Variants in BHLHE40 observed in about 807,000 individuals in gnomAD.
The protein encoded by BHLHE40 is class E basic helix-loop-helix protein 40.
A neutral mutation model predicts 35.7 loss-of-function variants in BHLHE40; 3 were observed. The observed-to-expected ratio is 0.08, with a 90% CI of 0.04 to 0.22. BHLHE40 has a LOEUF of 0.22. Ranked by LOEUF, BHLHE40 falls within the 10% of genes least tolerant of loss-of-function variation. The pLI, the probability that BHLHE40 is intolerant of heterozygous loss-of-function variation, is 1.00. For synonymous variants in BHLHE40, 236 were observed against 213.0 expected, an observed-to-expected ratio of 1.11 and a Z score of -0.94; for missense variants, 486 against 524.0, an observed-to-expected ratio of 0.93 and a Z score of 0.71.
intron 4 of BHLHE40, 161 bp downstream of exon 4, chr3:4,981,676 A>T: frequency 1.1e-6 from 1 of 926,576 alleles, no homozygotes; most frequent in Non-Finnish European, 1.6e-6. Flanking sequence ...CAGACTTTTC[A>T]TTTGAAATGC....
At position 4,983,683 on chromosome 3, in the gene BHLHE40, C is replaced by T; in HGVS notation, c.1230C>T (p.Thr410=). 2 of 1,606,090 alleles carry T rather than the reference C, an allele frequency of 1.2e-6. No individual in the cohort carries two copies. Among genetic ancestry groups the T allele is most frequent in the South Asian group, 1.1e-5 (1 of 90,672 alleles). The change falls in exon 5 of 5, where the codon ACC becomes ACT. Residue 410 remains threonine, a synonymous_variant. Coordinates refer to ENST00000256495, the MANE Select transcript of BHLHE40 (RefSeq NM_003670.3). This position sits in a 1 kb window ranked among gnomAD's most constrained non-coding sequence, Gnocchi z 5.0. The part of the protein sequence containing the change: ...LKPIPPLNLE[T]KD ...CAATCCCCCCTTTAAACTTAGAAACCAAAGACTAAACTCTCTAGGGGATCC... is the reference window on the plus strand; with the variant it reads ...CAATCCCCCCTTTAAACTTAGAAACTAAAGACTAAACTCTCTAGGGGATCC...
At chr3:4,979,869 G>T in intron 1 of BHLHE40, 71 bp downstream of exon 1, 1 of 1,605,444 alleles carries the variant, frequency 6.2e-7, no homozygotes, top group Non-Finnish European at 8.5e-7. Context: ...TCAACTTGGA[G>T]CAGCTCCGGG....
rs999465173 is a variant in BHLHE40, at chr3:4,979,749, C to A, written c.31C>A (p.Pro11Thr). 2.5e-6 allele frequency: 4 copies of A among 1,578,486 alleles called. No homozygotes were observed. Among genetic ancestry groups the A allele is most frequent in the African/African-American group, 1.4e-5 (1 of 73,926 alleles). Residue 11 changes from proline to threonine, a missense_variant, in exon 1 of 5, where the codon CCC becomes ACC. By Grantham distance (38) the Pro-to-Thr change is conservative. This residue lies in a region of BHLHE40 where 87 missense variants were observed against 66.7 expected (regional missense o/e 1.30). Coordinates refer to ENST00000256495, the MANE Select transcript of BHLHE40 (RefSeq NM_003670.3). MERIPSAQPP[P>T]ACLPKAPGLE... Reference sequence around the variant, plus strand: ...GCGGATCCCCAGCGCGCAACCACCCCCCGCCTGCCTGCCCAAAGCACCGGG... The same window carrying A: ...GCGGATCCCCAGCGCGCAACCACCCACCGCCTGCCTGCCCAAAGCACCGGG...
chr3:4,980,416 A>G lies in BHLHE40; in HGVS notation c.258+8A>G, dbSNP rs1333862503. The G allele has an allele frequency of 6.2e-7, 1 of 1,611,106 alleles. No homozygotes were observed. Among genetic ancestry groups the G allele is most frequent in the Non-Finnish European group, 8.5e-7 (1 of 1,177,468 alleles). ...GAACATCTCAAACTTACAGTAAGTGAGAAGCTGGCCCCTTTCCAACCCAGT... is the reference window on the plus strand; with the variant it reads ...GAACATCTCAAACTTACAGTAAGTGGGAAGCTGGCCCCTTTCCAACCCAGT... On this transcript the variant is annotated splice_region_variant and intron_variant, in intron 3 of 4. Transcript: ENST00000256495.
In BHLHE40 at chr3:4,979,973, C is replaced by G; in HGVS notation, c.92C>G (p.Ala31Gly). ...EHGDLPGMYP[A>G]HMYQVYKSRR... The stretch of plus-strand genomic sequence containing the variant: ...CTCTCTTCCTGCAGGATGTACCCTG[C>G]CCACATGTACCAAGTGTACAAGTCA... Residue 31 changes from alanine (A) to glycine (G), a missense_variant, in exon 2 of 5, where the codon GCC (alanine) becomes GGC (glycine). Ala to Gly is a moderately conservative substitution (Grantham distance 60). Coordinates refer to ENST00000256495, the MANE Select transcript of BHLHE40 (RefSeq NM_003670.3). 1 of 1,614,152 alleles carries G rather than the reference C, an allele frequency of 6.2e-7. No individual in the cohort carries two copies. The highest frequency in any genetic ancestry group is 8.5e-7 in the Non-Finnish European group (1 of 1,179,998).
rs1553562125 is a variant in BHLHE40 at position 4,983,850 on chromosome 3, G to GTGTGTGTGTGTGTA, written c.*163_*164insGTGTGTGTATGTGT. On this transcript the variant is annotated 3_prime_UTR_variant, in exon 5 of 5. Transcript: ENST00000256495. This position sits in a 1 kb window ranked among gnomAD's most constrained non-coding sequence, Gnocchi z 5.0. The stretch of plus-strand genomic sequence containing the variant: ...TCAGGGTGTGTGTGTGTGTGTGTGT[G>GTGTGTGTGTGTGTA]TGTGTATGTGCGTGTGCGTGCACAT... 43 of 957,718 alleles carry GTGTGTGTGTGTGTA rather than the reference G, an allele frequency of 4.5e-5. No individual in the cohort carries two copies. Among genetic ancestry groups the GTGTGTGTGTGTGTA allele is most frequent in the African/African-American group, 4.3e-4 (26 of 60,048 alleles). 59.3% of individuals were successfully genotyped at this position (957,718 alleles called of 1,614,324 possible). A position where few individuals can be genotyped will look rare whatever the true frequency, so the allele number is the denominator to read the frequency against.
At position 4,979,783 on chromosome 3, in the gene BHLHE40, A is replaced by G. The variant is rs1460225351; in HGVS notation, c.65A>G (p.His22Arg). ...CTGCCCAAAGCACCGGGACTGGAGCACGGAGACCTACCAGGGTAAGTTGGC... is the reference window on the plus strand; with the variant it reads ...CTGCCCAAAGCACCGGGACTGGAGCGCGGAGACCTACCAGGGTAAGTTGGC... ...ACLPKAPGLE[H>R]GDLPGMYPAH... is the part of the protein sequence containing the mutation. The change falls in exon 1 of 5, where the codon CAC becomes CGC. Residue 22 changes from histidine to arginine, a missense_variant. Coordinates refer to ENST00000256495, the MANE Select transcript of BHLHE40 (RefSeq NM_003670.3). The G allele has an allele frequency of 6.3e-7, 1 of 1,589,592 alleles. No individual in the cohort carries two copies.
intron 3 of BHLHE40, 142 bp from the exon 4 acceptor site, chr3:4,981,250 G>A: frequency 1.2e-6 from 1 of 841,662 alleles, no homozygotes; most frequent in South Asian, 1.7e-5. Flanking sequence ...CTTTTTAAAA[G>A]CATGACCTAC....
Position 4,983,662 on chromosome 3 carries a change from C to A in BHLHE40, c.1209C>A (p.Ile403=), listed in dbSNP as rs372311096. 6.8e-6 allele frequency: 11 copies of A among 1,612,242 alleles called. No individual in the cohort carries two copies. The highest frequency in any genetic ancestry group is 3.3e-5 in the Admixed American group (2 of 59,878). ...SSVLLQALKP[I]PPLNLETKD ...TCTTGCTCCAAGCTCTGAAGCCAAT[C>A]CCCCCTTTAAACTTAGAAACCAAAG... The change falls in exon 5 of 5, where the codon ATC becomes ATA. Residue 403 remains isoleucine (I), a synonymous_variant. Transcript: ENST00000256495. The surrounding 1 kb of genome is among the most constrained non-coding windows in gnomAD (Gnocchi z 5.0).
chr3:4,981,707 T>G (rs2053199174), intron 4 of BHLHE40, 192 bp downstream of exon 4: 1 of 650,650 alleles, frequency 1.5e-6, no homozygotes, highest in Admixed American at 3.2e-5. Context: ...CTGGCATGAA[T>G]ACGTATTAGT....
chr3:4,983,931 C>G lies in BHLHE40; in HGVS notation c.*239C>G, dbSNP rs1182621135. 4 of 525,406 alleles carry G rather than the reference C, an allele frequency of 7.6e-6. No individual in the cohort carries two copies. The highest frequency in any genetic ancestry group is 1.3e-5 in the Non-Finnish European group (4 of 306,400). 32.5% of individuals were successfully genotyped at this position (525,406 alleles called of 1,614,324 possible). The stretch of plus-strand genomic sequence containing the variant: ...AGCTCCTTTTGGCATAGGGAAGTCA[C>G]GAAGGATTGCTTGACATCAGGAGAC... On this transcript the variant is annotated 3_prime_UTR_variant, in exon 5 of 5. Transcript: ENST00000256495. This position sits in a 1 kb window ranked among gnomAD's most constrained non-coding sequence, Gnocchi z 5.0.
Position 4,980,322 on chromosome 3 carries a change from C to A in BHLHE40, c.172C>A (p.Arg58=), listed in dbSNP as rs770764418. Residue 58 remains arginine, a synonymous_variant, in exon 3 of 5, where the codon CGG becomes AGG. Coordinates refer to ENST00000256495, the MANE Select transcript of BHLHE40 (RefSeq NM_003670.3). ...DSKETYKLPH[R]LIEKKRRDRI... ...GCAGGAGACCTACAAATTGCCGCAC[C>A]GGCTCATCGAGAAAAAGAGACGTGA... 1.9e-6 allele frequency: 3 copies of A among 1,614,062 alleles called. No individual in the cohort carries two copies. The highest frequency in any genetic ancestry group is 1.1e-5 in the South Asian group (1 of 91,048).
In BHLHE40 at chr3:4,981,397, G is replaced by C. The variant is rs776793165; in HGVS notation, c.264G>C (p.Leu88Phe). Residue 88 changes from leucine to phenylalanine, a missense_variant, in exon 4 of 5, where the codon TTG (leucine) becomes TTC (phenylalanine). This residue lies in a region of BHLHE40 where 176 missense variants were observed against 180.5 expected (regional missense o/e 0.98). Coordinates refer to ENST00000256495, the MANE Select transcript of BHLHE40 (RefSeq NM_003670.3). ...LLPEHLKLTT[L>F]GHLEKAVVLE... ...TAAGGCTCTTTTCCTTCCAGACTTT[G>C]GGTCACTTGGAAAAAGCAGTGGTTC... 3 of 1,613,470 alleles carry C rather than the reference G, an allele frequency of 1.9e-6. No individual in the cohort carries two copies. Among genetic ancestry groups the C allele is most frequent in the Non-Finnish European group, 2.5e-6 (3 of 1,179,750 alleles).
Position 4,983,611 on chromosome 3 carries a change from A to G in BHLHE40, c.1158A>G (p.Pro386=), listed in dbSNP as rs1254838550. Residue 386 remains proline, a synonymous_variant, in exon 5 of 5, where the codon CCA becomes CCG. Coordinates refer to ENST00000256495, the MANE Select transcript of BHLHE40 (RefSeq NM_003670.3). The surrounding 1 kb of genome is among the most constrained non-coding windows in gnomAD (Gnocchi z 5.0). The stretch of plus-strand genomic sequence containing the variant: ...CCCAGAGACTCCCTTCTCCCTTGCC[A>G]GCTCATCCGTCCGTCGACTCTTCTG... The part of the protein sequence containing the change: ...LMPQRLPSPL[P]AHPSVDSSVL... 2 of 1,613,982 alleles carry G rather than the reference A, an allele frequency of 1.2e-6. No homozygotes were observed. The highest frequency in any genetic ancestry group is 2.7e-5 in the African/African-American group (2 of 74,896).
chr3:4,983,340 A>T lies in BHLHE40; in HGVS notation c.887A>T (p.Asp296Val), dbSNP rs776024068. Residue 296 changes from aspartate to valine, a missense_variant, in exon 5 of 5, where the codon GAT becomes GTT. By Grantham distance (152) the Asp-to-Val change is radical. This residue lies in a region of BHLHE40 where 206 missense variants were observed against 208.9 expected (regional missense o/e 0.99). Coordinates refer to ENST00000256495, the MANE Select transcript of BHLHE40 (RefSeq NM_003670.3). The surrounding 1 kb of genome is among the most constrained non-coding windows in gnomAD (Gnocchi z 5.0). ...AAAAAGAACCGGATGCAGCTTTCGG[A>T]TGATGAAGGCCATTTCACTAGCAGT... ...PTKKNRMQLS[D>V]DEGHFTSSDL... 2 of 1,614,156 alleles carry T rather than the reference A, an allele frequency of 1.2e-6. No homozygotes were observed. The highest frequency in any genetic ancestry group is 1.7e-6 in the Non-Finnish European group (2 of 1,180,028).
Position 4,983,804 on chromosome 3 carries a change from T to C in BHLHE40, c.*112T>C, listed in dbSNP as rs1444984236. 5 of 1,384,314 alleles carry C rather than the reference T, an allele frequency of 3.6e-6. No homozygotes were observed. In the Admixed American group the frequency reaches 9.1e-5, roughly 25 times the overall value. The allele number at this position is 1,384,314 out of a possible 1,614,324, so 85.8% of individuals were successfully genotyped here. On this transcript the variant is annotated 3_prime_UTR_variant, in exon 5 of 5. Coordinates refer to ENST00000256495, the MANE Select transcript of BHLHE40 (RefSeq NM_003670.3). The surrounding 1 kb of genome is among the most constrained non-coding windows in gnomAD (Gnocchi z 5.0). ...TGTTGCATTGTGTATACTGAGATAA[T>C]CTGAGGCATGGAGAGCAGATTCAGG...
chr3:4,980,916 G>T (rs956677578), intron 3 of BHLHE40, among the ~76,000 whole-genome samples: 1 of 152,004 alleles, frequency 6.6e-6, no homozygotes, highest in South Asian at 2.1e-4. Flanking sequence ...AAAAAGCCTG[G>T]ATGAGCTGGA....
rs2053222517 is a variant in BHLHE40 at position 4,983,767 on chromosome 3, A to C, written c.*75A>C. ...AAAAGCAACAAAAAAGTTTTTGTGAATGCTGCAAGATTGTTGCATTGTGTA... is the reference window on the plus strand; with the variant it reads ...AAAAGCAACAAAAAAGTTTTTGTGACTGCTGCAAGATTGTTGCATTGTGTA... On this transcript the variant is annotated 3_prime_UTR_variant, in exon 5 of 5. Transcript: ENST00000256495. The surrounding 1 kb of genome is among the most constrained non-coding windows in gnomAD (Gnocchi z 5.0). The C allele has an allele frequency of 6.7e-7, 1 of 1,486,344 alleles. No individual in the cohort carries two copies. 92.1% of individuals were successfully genotyped at this position (1,486,344 alleles called of 1,614,324 possible).
At chr3:4,981,150 A>T (rs1009521417) in intron 3 of BHLHE40, among the ~76,000 whole-genome samples, 12 of 146,220 alleles carry the variant, frequency 8.2e-5, no homozygotes, top group Non-Finnish European at 1.8e-4. Flanking sequence ...CCGTTTTTTT[A>T]AATTATTTAA....
Sources: gnomAD v4.1 joint callset for allele counts (sites outside exome capture counted in the v4.1 genomes callset) on GRCh38, gnomAD v4.1.1 for gene constraint, gnomAD v4.1.1 regional missense constraint, Gnocchi (gnomAD v3.1) non-coding constraint, MANE v1.5 for transcripts, NCBI Gene and HGNC (gene_info 2026-07-23, HGNC 2026-07-21) for gene names.